The following PTPRT variants were observed in gnomAD, a reference collection of about 807,000 sequenced individuals.
The protein encoded by PTPRT is receptor-type tyrosine-protein phosphatase T.
Under a neutral mutation model 176.8 loss-of-function variants are expected in PTPRT, and 56 were observed. The observed-to-expected ratio is 0.32, with a 90% CI of 0.26 to 0.40. PTPRT has a LOEUF of 0.40. Among genes scored for constraint, PTPRT ranks in the 10% least tolerant of loss-of-function variants. PTPRT has a pLI of 1.00. For missense variants in PTPRT, 1,540 were observed against 1,908.2 expected, an observed-to-expected ratio of 0.81 and a Z score of 3.60; for synonymous variants, 783 against 739.0, an observed-to-expected ratio of 1.06 and a Z score of -0.96.
chr20:42,121,283 T>C (rs1466199322), intron 19 of PTPRT, among the ~76,000 whole-genome samples: 1 of 152,236 alleles, frequency 6.6e-6, no homozygotes, highest in Non-Finnish European at 1.5e-5. Context: ...GGCAATGTCA[T>C]GACCAGAACT....
intron 1 of PTPRT, among the ~76,000 whole-genome samples, chr20:42,998,113 C>T (rs1984330029): frequency 6.6e-6 from 1 of 152,032 alleles, no homozygotes; most frequent in Admixed American, 6.5e-5. Context: ...GAAAAGCTAC[C>T]CCCTCTATGG....
chr20:42,644,934 G>A (rs1037402979), intron 7 of PTPRT, among the ~76,000 whole-genome samples: 9 of 152,250 alleles, frequency 5.9e-5, no homozygotes, highest in Non-Finnish European at 1.0e-4. Flanking sequence ...TTATACAGAG[G>A]AAGAAACTGA....
intron 7 of PTPRT, among the ~76,000 whole-genome samples, chr20:42,658,967 T>A (rs762028770): frequency 6.6e-6 from 1 of 152,216 alleles, no homozygotes; most frequent in Non-Finnish European, 1.5e-5. Flanking sequence ...TTAAGAAAAG[T>A]AAACCCTAAT....
At chr20:42,640,406 A>AAT (rs71335868) in intron 7 of PTPRT, among the ~76,000 whole-genome samples, 4 of 151,336 alleles carry the variant, frequency 2.6e-5, no homozygotes, top group Non-Finnish European at 2.9e-5. Context: ...AAAAAAAAAA[A>AAT]TTTTTTTGAG....
chr20:42,933,887 A>G (rs1216542744), intron 1 of PTPRT, among the ~76,000 whole-genome samples: 1 of 152,244 alleles, frequency 6.6e-6, no homozygotes, highest in African/African-American at 2.4e-5. Flanking sequence ...TTTCTCAACC[A>G]TAATACAAGC....
At chr20:43,173,555 T>C (rs1314098906) in intron 1 of PTPRT, among the ~76,000 whole-genome samples, 1 of 152,240 alleles carries the variant, frequency 6.6e-6, no homozygotes, top group Non-Finnish European at 1.5e-5. Flanking sequence ...GTGGAGAAAG[T>C]AAACTCAACT....
chr20:42,192,225 T>C (rs921409001), intron 16 of PTPRT, among the ~76,000 whole-genome samples: 7 of 152,030 alleles, frequency 4.6e-5, no homozygotes, highest in African/African-American at 1.7e-4. Flanking sequence ...GTCAGGCCAG[T>C]TTTCCCAGAG....
At chr20:42,753,231 T>C (rs546606518) in intron 6 of PTPRT, among the ~76,000 whole-genome samples, 2 of 152,224 alleles carry the variant, frequency 1.3e-5, no homozygotes, top group South Asian at 2.1e-4. Context: ...CGGACTCCAG[T>C]TGTACCCCTT....
At chr20:42,459,313 T>C (rs1273927287) in intron 8 of PTPRT, among the ~76,000 whole-genome samples, 1 of 152,184 alleles carries the variant, frequency 6.6e-6, no homozygotes, top group Admixed American at 6.5e-5. Context: ...ACCTGGAGCA[T>C]GTGAGCTACC....
At chr20:43,151,200 G>A (rs2014341200) in intron 1 of PTPRT, among the ~76,000 whole-genome samples, 1 of 151,990 alleles carries the variant, frequency 6.6e-6, no homozygotes, top group Non-Finnish European at 1.5e-5. Context: ...CAGCTACTAG[G>A]GAGGCTGAGG....
chr20:42,725,941 G>A (rs2076372575), intron 6 of PTPRT, among the ~76,000 whole-genome samples: 1 of 151,982 alleles, frequency 6.6e-6, no homozygotes, highest in African/African-American at 2.4e-5. Context: ...GGTGGGCCCA[G>A]ATAAATTGGT....
At chr20:42,548,892 A>G (rs993536661) in intron 7 of PTPRT, among the ~76,000 whole-genome samples, 2 of 152,194 alleles carry the variant, frequency 1.3e-5, no homozygotes, top group African/African-American at 4.8e-5. Context: ...CAGAGAAATG[A>G]AGATGAACAC....
At chr20:42,738,071 A>G (rs1569123696) in intron 6 of PTPRT, among the ~76,000 whole-genome samples, 1 of 152,074 alleles carries the variant, frequency 6.6e-6, no homozygotes, top group Non-Finnish European at 1.5e-5. Flanking sequence ...AGGCTTACAG[A>G]AGTGTAGGTG....
chr20:42,187,396 T>C (rs1223890219), intron 16 of PTPRT, among the ~76,000 whole-genome samples: 1 of 152,118 alleles, frequency 6.6e-6, no homozygotes, highest in Admixed American at 6.6e-5. Flanking sequence ...AGTCAACCGG[T>C]GCTGAGTAAC....
chr20:42,150,159 C>T (rs534716669), intron 17 of PTPRT, among the ~76,000 whole-genome samples: 97 of 152,296 alleles, frequency 6.4e-4, no homozygotes, highest in African/African-American at 2.2e-3. Flanking sequence ...CACCTAAGCC[C>T]TTCTGAGTTA....
chr20:42,196,705 G>C (rs368988104), intron 16 of PTPRT, among the ~76,000 whole-genome samples: 16 of 152,088 alleles, frequency 1.1e-4, no homozygotes, highest in African/African-American at 3.4e-4. Flanking sequence ...CAATTTCCCT[G>C]CTTCTAGGAA....
intron 7 of PTPRT, among the ~76,000 whole-genome samples, chr20:42,537,391 T>C (rs2072495643): frequency 6.6e-6 from 1 of 152,214 alleles, no homozygotes; most frequent in African/African-American, 2.4e-5. Context: ...CTGTCAGGTG[T>C]TGACTCTGAA....
chr20:42,980,266 T>C (rs1983201237), intron 1 of PTPRT, among the ~76,000 whole-genome samples: 1 of 151,754 alleles, frequency 6.6e-6, no homozygotes, highest in Non-Finnish European at 1.5e-5. Flanking sequence ...CCTTGGAAAA[T>C]AGGGTAGAAA....
At chr20:42,856,535 G>C (rs1325533879) in intron 2 of PTPRT, among the ~76,000 whole-genome samples, 1 of 152,048 alleles carries the variant, frequency 6.6e-6, no homozygotes, top group Non-Finnish European at 1.5e-5. Flanking sequence ...AGCAATTAAA[G>C]GGTGAGAAAA....
Sources: allele counts gnomAD v4.1 joint callset (sites outside exome capture counted in the v4.1 genomes callset), GRCh38; gene constraint gnomAD v4.1.1; transcripts MANE v1.5; gene names NCBI Gene and HGNC (gene_info 2026-07-23, HGNC 2026-07-21).